SEMA5A: variants seen among roughly 807,000 people sequenced by gnomAD.
SEMA5A encodes the protein semaphorin 5A.
In SEMA5A, 55 loss-of-function variants were observed where a neutral mutation model predicts 135.5. That is an observed-to-expected ratio of 0.41 (90% CI 0.33 to 0.51). SEMA5A has a LOEUF of 0.51. Among genes scored for constraint, SEMA5A ranks in the 20% least tolerant of loss-of-function variants. The probability of loss-of-function intolerance (pLI) is 0.37; values close to 1 mark genes in which losing one functional copy is unlikely to be tolerated. For synonymous variants in SEMA5A, 580 were observed against 546.5 expected (o/e 1.06, Z -0.85); for missense variants, 1,290 against 1,419.9 (o/e 0.91, Z 1.47).
chr5:9,062,962 CG>C lies in SEMA5A; in HGVS notation c.2442del (p.Glu815AsnfsTer49). The C allele has an allele frequency of 6.2e-7, 1 of 1,614,194 alleles. No individual in the cohort carries two copies. Among genetic ancestry groups the C allele is most frequent in the Non-Finnish European group, 8.5e-7 (1 of 1,180,034 alleles). On this transcript the variant is annotated frameshift_variant, in exon 18 of 23. Coordinates refer to ENST00000382496, the MANE Select transcript of SEMA5A (RefSeq NM_003966.3). LOFTEE classifies it high-confidence loss of function. ...IRNRKRVCNN[P>X]EPKYGGMPCL... ...CAAGGCATTCCCCCATACTTGGGTT[CG>C]GGGTTGTTGCAAACACGCTTCCGGT...
intron 2 of SEMA5A, among the ~76,000 whole-genome samples, chr5:9,437,183 A>G (rs1758062987): frequency 6.6e-6 from 1 of 152,204 alleles, no homozygotes; most frequent in South Asian, 2.1e-4. Flanking sequence ...GAAACCAGGT[A>G]GGCAGTCACA....
At chr5:9,168,696 A>G (rs1743748455) in intron 11 of SEMA5A, among the ~76,000 whole-genome samples, 1 of 152,208 alleles carries the variant, frequency 6.6e-6, no homozygotes, top group South Asian at 2.1e-4. Context: ...CATGATAAAT[A>G]GTGTGATTCT....
chr5:9,352,455 GC>G (rs1754171398), intron 3 of SEMA5A, among the ~76,000 whole-genome samples: 4 of 152,040 alleles, frequency 2.6e-5, no homozygotes, highest in Middle Eastern at 3.4e-3. Context: ...TTGCTATGTT[GC>G]CCAGGCTGAT....
intron 5 of SEMA5A, among the ~76,000 whole-genome samples, chr5:9,247,550 G>A (rs527368761): frequency 1.3e-5 from 2 of 152,044 alleles, no homozygotes; most frequent in Admixed American, 6.6e-5. Flanking sequence ...ATGTTTCCTG[G>A]GGAATTGTTT....
chr5:9,056,000 A>G (rs1225580776), intron 18 of SEMA5A, among the ~76,000 whole-genome samples: 1 of 152,092 alleles, frequency 6.6e-6, no homozygotes, highest in Non-Finnish European at 1.5e-5. Context: ...TGCATGCCCC[A>G]TACACCAGGG....
At chr5:9,102,280 T>G (rs1179911687) in intron 16 of SEMA5A, among the ~76,000 whole-genome samples, 2 of 152,224 alleles carry the variant, frequency 1.3e-5, no homozygotes, top group Non-Finnish European at 2.9e-5. Context: ...TACACACCAT[T>G]GCAAGGAGGT....
At chr5:9,281,057 G>A (rs1030720607) in intron 5 of SEMA5A, among the ~76,000 whole-genome samples, 25 of 152,038 alleles carry the variant, frequency 1.6e-4, no homozygotes, top group Admixed American at 7.2e-4. Context: ...TTACTTTATA[G>A]ATGAGAAACC....
rs150193258 is a variant in SEMA5A at position 9,197,222 on chromosome 5, T to C, written c.1014A>G (p.Gln338=). ...AQAFSGPFKY[Q]ENSRSAWLPY... ...GTAGCCAGGCCGAGCGCGAGTTTTC[T>C]TGGTACTTGAAGGGCCCAGAGAAGG... Residue 338 remains glutamine, a synonymous_variant, in exon 10 of 23, where the codon CAA becomes CAG. Coordinates refer to ENST00000382496, the MANE Select transcript of SEMA5A (RefSeq NM_003966.3). The C allele has an allele frequency of 1.3e-4, 216 of 1,614,226 alleles. No individual in the cohort carries two copies. The African/African-American group carries it at 2.6e-3, about 20-fold the overall frequency.
chr5:9,500,368 T>C (rs968814045), intron 1 of SEMA5A, among the ~76,000 whole-genome samples: 2 of 152,218 alleles, frequency 1.3e-5, no homozygotes, highest in East Asian at 3.8e-4. Flanking sequence ...CAAGAGAGCT[T>C]CTGCTCATAA....
At chr5:9,492,069 A>G (rs1735040632) in intron 1 of SEMA5A, among the ~76,000 whole-genome samples, 1 of 152,212 alleles carries the variant, frequency 6.6e-6, no homozygotes, top group Admixed American at 6.5e-5. Flanking sequence ...TATTTATTAA[A>G]TGCCTGCTGT....
At chr5:9,267,158 G>A (rs555077154) in intron 5 of SEMA5A, among the ~76,000 whole-genome samples, 38 of 151,580 alleles carry the variant, frequency 2.5e-4, no homozygotes, top group South Asian at 1.0e-3. Flanking sequence ...GCTCTTACCT[G>A]ATGTTCACAT....
At chr5:9,301,359 T>G (rs1285776776) in intron 5 of SEMA5A, among the ~76,000 whole-genome samples, 1 of 152,214 alleles carries the variant, frequency 6.6e-6, no homozygotes. Flanking sequence ...GAAGTTTTAA[T>G]GTGAGCAGCA....
chr5:9,148,158 T>C (rs936902710), intron 12 of SEMA5A, among the ~76,000 whole-genome samples: 1 of 152,232 alleles, frequency 6.6e-6, no homozygotes, highest in African/African-American at 2.4e-5. Context: ...GAAAATTCCA[T>C]GGTGTTCAGA....
chr5:9,526,349 C>T (rs1737122098), intron 1 of SEMA5A, among the ~76,000 whole-genome samples: 1 of 152,162 alleles, frequency 6.6e-6, no homozygotes, highest in Non-Finnish European at 1.5e-5. Flanking sequence ...TAGATATGTG[C>T]ATGTTTATCA....
intron 6 of SEMA5A, among the ~76,000 whole-genome samples, chr5:9,228,271 TTAAA>T (rs1283672201): frequency 6.6e-6 from 1 of 152,126 alleles, no homozygotes; most frequent in Non-Finnish European, 1.5e-5. Context: ...CAACTAAGTG[TTAAA>T]TAAAGTGTAA....
intron 1 of SEMA5A, among the ~76,000 whole-genome samples, chr5:9,543,200 C>G (rs902368305): frequency 6.6e-6 from 1 of 152,204 alleles, no homozygotes; most frequent in Non-Finnish European, 1.5e-5. Flanking sequence ...TGTCCTTCAG[C>G]AAGAGGCTAA....
chr5:9,041,189 T>C lies in SEMA5A; in HGVS notation c.*1708A>G, dbSNP rs916836723. The C allele has an allele frequency of 6.6e-6, 1 of 152,236 alleles. No homozygotes were observed. The highest frequency in any genetic ancestry group is 1.5e-5 in the Non-Finnish European group (1 of 68,044). 9.4% of individuals were successfully genotyped at this position (152,236 alleles called of 1,614,324 possible). A position where few individuals can be genotyped will look rare whatever the true frequency, so the allele number is the denominator to read the frequency against. On this transcript the variant is annotated 3_prime_UTR_variant, in exon 23 of 23. Coordinates refer to ENST00000382496, the MANE Select transcript of SEMA5A (RefSeq NM_003966.3). ...GAGAATATTTTGAACTCAACAATATTCATTATTAAACATAGAATTCTTCTA... is the reference window on the plus strand; with the variant it reads ...GAGAATATTTTGAACTCAACAATATCCATTATTAAACATAGAATTCTTCTA...
At chr5:9,165,823 T>C (rs1743577373) in intron 11 of SEMA5A, among the ~76,000 whole-genome samples, 1 of 152,206 alleles carries the variant, frequency 6.6e-6, no homozygotes, top group Admixed American at 6.5e-5. Context: ...AGTTCATCAA[T>C]TCAGCTGGTC....
chr5:9,424,490 C>A (rs1318703683), intron 2 of SEMA5A, among the ~76,000 whole-genome samples: 3 of 152,222 alleles, frequency 2.0e-5, no homozygotes, highest in Admixed American at 6.5e-5. Flanking sequence ...TTCAAACATA[C>A]TGCCAATATG....
Sources: gnomAD v4.1 joint callset for allele counts (sites outside exome capture counted in the v4.1 genomes callset) on GRCh38, gnomAD v4.1.1 for gene constraint, MANE v1.5 for transcripts, NCBI Gene and HGNC (gene_info 2026-07-23, HGNC 2026-07-21) for gene names.